The following PARD3B variants were observed in gnomAD, a reference collection of about 807,000 sequenced individuals.
The protein encoded by PARD3B is par-3 family cell polarity regulator beta, also known as partitioning defective 3 homolog B.
PARD3B carries 103 observed loss-of-function variants against 130.2 expected under a neutral mutation model. The ratio of observed to expected loss-of-function variants is 0.79; its 90% confidence interval spans 0.67 to 0.93. PARD3B has a LOEUF of 0.93. PARD3B is among the 40% of genes least tolerant of loss of function. The probability of loss-of-function intolerance (pLI) is 0.00; values close to 1 mark genes in which losing one functional copy is unlikely to be tolerated. For synonymous variants in PARD3B, 583 were observed against 553.2 expected (o/e 1.05, Z -0.76); for missense variants, 1,609 against 1,499.2 (o/e 1.07, Z -1.21).
At chr2:205,326,634 C>T (rs2042948783) in intron 18 of PARD3B, among the ~76,000 whole-genome samples, 1 of 152,126 alleles carries the variant, frequency 6.6e-6, no homozygotes, top group South Asian at 2.1e-4. Context: ...AATTTACAAT[C>T]TTAGTATGCT....
At chr2:205,531,268 A>G (rs1199922024) in intron 21 of PARD3B, among the ~76,000 whole-genome samples, 1 of 152,164 alleles carries the variant, frequency 6.6e-6, no homozygotes, top group African/African-American at 2.4e-5. Context: ...ACAAAAACAC[A>G]TCATAGGATT....
chr2:205,605,348 G>C (rs1453194134), intron 22 of PARD3B, among the ~76,000 whole-genome samples: 1 of 152,200 alleles, frequency 6.6e-6, no homozygotes, highest in Non-Finnish European at 1.5e-5. Flanking sequence ...ATCTTCATGA[G>C]TTTATCTAGC....
intron 3 of PARD3B, among the ~76,000 whole-genome samples, chr2:205,010,505 G>C (rs1695628672): frequency 6.6e-6 from 1 of 152,132 alleles, no homozygotes; most frequent in South Asian, 2.1e-4. Context: ...CTTCTCAGTA[G>C]CTTTCTAAGA....
rs200083729 is a variant in PARD3B, at chr2:205,168,316, A to AGTGTGTGTGTGT, written c.1621-3894_1621-3893insTGTGTGTGTGTG. 6.6e-3 allele frequency among the ~76,000 whole-genome samples: 946 copies of AGTGTGTGTGTGT among 142,784 alleles called. 7 individuals are homozygous for AGTGTGTGTGTGT. The highest frequency in any genetic ancestry group is 0.022 in the African/African-American group (843 of 38,178). 93.7% of individuals were successfully genotyped at this position (142,784 alleles called of 152,430 possible). On this transcript the variant is annotated intron_variant, in intron 11 of 22. Transcript: ENST00000406610. ...GAGAGAGAGAGAGAGAGAGAGAGAGAGAGAGTGTGTGTGTGTGAATATTGC... is the reference window on the plus strand; with the variant it reads ...GAGAGAGAGAGAGAGAGAGAGAGAGAGTGTGTGTGTGTGAGAGTGTGTGTGTGTGAATATTGC...
At chr2:205,596,043 A>C (rs1353389499) in intron 22 of PARD3B, among the ~76,000 whole-genome samples, 1 of 152,250 alleles carries the variant, frequency 6.6e-6, no homozygotes, top group Admixed American at 6.5e-5. Flanking sequence ...AAAGGCAAGT[A>C]TGGAACCCAC....
intron 10 of PARD3B, among the ~76,000 whole-genome samples, chr2:205,134,371 A>AG (rs1232947348): frequency 6.6e-6 from 1 of 151,670 alleles, no homozygotes; most frequent in African/African-American, 2.4e-5. Flanking sequence ...AAAAAAAAAA[A>AG]AAATTAGCCA....
chr2:205,002,497 T>A (rs1017370983), intron 3 of PARD3B, among the ~76,000 whole-genome samples: 6 of 152,058 alleles, frequency 3.9e-5, no homozygotes, highest in African/African-American at 1.4e-4. Context: ...TTTCACAGAG[T>A]CATCCTTGTC....
At chr2:204,827,282 A>C (rs1480812120) in intron 2 of PARD3B, among the ~76,000 whole-genome samples, 1 of 151,126 alleles carries the variant, frequency 6.6e-6, no homozygotes, top group Non-Finnish European at 1.5e-5. Flanking sequence ...TTTGCAAATC[A>C]GTATAGTGAT....
At chr2:205,533,505 AT>A (rs1304231365) in intron 21 of PARD3B, among the ~76,000 whole-genome samples, 1 of 152,210 alleles carries the variant, frequency 6.6e-6, no homozygotes, top group African/African-American at 2.4e-5. Flanking sequence ...ATTCATAACA[AT>A]TACACTTGAG....
intron 2 of PARD3B, among the ~76,000 whole-genome samples, chr2:204,746,865 T>A (rs1278389818): frequency 6.6e-6 from 1 of 152,176 alleles, no homozygotes; most frequent in East Asian, 1.9e-4. Flanking sequence ...TCTTTGTAGA[T>A]TCTGGATATT....
intron 10 of PARD3B, among the ~76,000 whole-genome samples, chr2:205,133,694 TTTTTGGC>T (rs1234620239): frequency 7.4e-6 from 1 of 134,950 alleles, no homozygotes; most frequent in African/African-American, 2.9e-5. Flanking sequence ...GAGTTGTGCC[TTTTTGGC>T]TATGTGCCCC....
In PARD3B at chr2:204,664,997, C is replaced by A. The variant is rs1388666378; in HGVS notation, c.121-21184C>A. 2.0e-5 allele frequency among the ~76,000 whole-genome samples: 3 copies of A among 152,054 alleles called. No homozygotes were observed. The highest frequency in any genetic ancestry group is 2.0e-4 in the Admixed American group (3 of 15,260). ...AGCAAATCCGTTGCTCTCATGAAGA[C>A]TGTAGAGAAAATGTTTGTACTGATT... is the stretch of plus-strand genomic sequence containing the variant. On this transcript the variant is annotated intron_variant, in intron 1 of 22. Coordinates refer to ENST00000406610, the MANE Select transcript of PARD3B (RefSeq NM_001302769.2). This position sits in a 1 kb window ranked among gnomAD's most constrained non-coding sequence, Gnocchi z 5.2.
At chr2:204,555,770 G>A (rs1168749715) in intron 1 of PARD3B, among the ~76,000 whole-genome samples, 1 of 152,086 alleles carries the variant, frequency 6.6e-6, no homozygotes, top group African/African-American at 2.4e-5. Flanking sequence ...CTTACCTAGT[G>A]CCGTTTTCTC....
At chr2:204,986,260 C>T (rs922438383) in intron 3 of PARD3B, among the ~76,000 whole-genome samples, 3 of 152,088 alleles carry the variant, frequency 2.0e-5, no homozygotes, top group African/African-American at 7.2e-5. Context: ...CAGGGCCTGC[C>T]AGTATGTAAC....
In PARD3B at chr2:204,691,801, T is replaced by G. The variant is rs566342785; in HGVS notation, c.222+5519T>G. Among the ~76,000 whole-genome samples, 9 of 149,364 alleles carry G rather than the reference T, an allele frequency of 6.0e-5. No individual in the cohort carries two copies. In the South Asian group the frequency reaches 1.9e-3, roughly 31 times the overall value. ...TTTTACTGTATATTTTAACTGCTTT[T>G]TAAACAAAACTGATATGAATGAAGT... On this transcript the variant is annotated intron_variant, in intron 2 of 22. Transcript: ENST00000406610.
At chr2:205,012,203 A>G (rs1451105647) in intron 3 of PARD3B, among the ~76,000 whole-genome samples, 8 of 151,422 alleles carry the variant, frequency 5.3e-5, no homozygotes, top group Admixed American at 3.9e-4. Flanking sequence ...TGTTAACATC[A>G]CTCATCTCCA....
intron 2 of PARD3B, among the ~76,000 whole-genome samples, chr2:204,767,046 T>C (rs1242779078): frequency 2.3e-5 from 3 of 130,200 alleles, no homozygotes; most frequent in African/African-American, 5.6e-5. Context: ...ATGTGCACAT[T>C]GTGCAGGTTA....
chr2:204,793,980 CT>C (rs1402171650), intron 2 of PARD3B, among the ~76,000 whole-genome samples: 1 of 152,060 alleles, frequency 6.6e-6, no homozygotes, highest in Admixed American at 6.6e-5. Flanking sequence ...ATTATAGGGC[CT>C]TGGAGATTAC....
intron 22 of PARD3B, among the ~76,000 whole-genome samples, chr2:205,607,335 C>G (rs1046646773): frequency 1.3e-5 from 2 of 152,126 alleles, no homozygotes; most frequent in Non-Finnish European, 2.9e-5. Context: ...CCGGTGCCAG[C>G]AGGCACCATG....
Sources: allele counts gnomAD v4.1 joint callset (sites outside exome capture counted in the v4.1 genomes callset), GRCh38; gene constraint gnomAD v4.1.1; non-coding constraint Gnocchi (gnomAD v3.1); transcripts MANE v1.5; gene names NCBI Gene and HGNC (gene_info 2026-07-23, HGNC 2026-07-21).